CRYL1: variants seen among roughly 807,000 people sequenced by gnomAD.
CRYL1 encodes the protein lambda-crystallin homolog.
Under a neutral mutation model 36.6 loss-of-function variants are expected in CRYL1, and 29 were observed. That is an observed-to-expected ratio of 0.79 (90% confidence interval 0.59 to 1.08). CRYL1 has a LOEUF of 1.08. CRYL1 is among the 50% of genes least tolerant of loss of function. CRYL1 has a pLI of 0.00. For missense variants in CRYL1, 411 were observed against 407.9 expected, an observed-to-expected ratio of 1.01 and a Z score of -0.06; for synonymous variants, 152 against 151.5, an observed-to-expected ratio of 1.00 and a Z score of -0.02.
Position 20,489,218 on chromosome 13 carries a change from T to C in CRYL1, c.276+152A>G, listed in dbSNP as rs140503615. 2.7e-4 allele frequency: 228 copies of C among 852,956 alleles called. No individual in the cohort carries two copies. In the East Asian group the frequency reaches 5.1e-3, roughly 19 times the overall value. The allele number at this position is 852,956 out of a possible 1,614,324, so 52.8% of individuals were successfully genotyped here. On this transcript the variant is annotated intron_variant, in intron 3 of 7. Transcript: ENST00000298248. ...CCCAGGATAGAGGGTGTTTTGGGGA[T>C]CACATTTCCTATCACATAAAACAAA...
At chr13:20,437,922 C>T (rs1593444464) in intron 4 of CRYL1, among the ~76,000 whole-genome samples, 1 of 152,270 alleles carries the variant, frequency 6.6e-6, no homozygotes, top group East Asian at 1.9e-4. Flanking sequence ...CTGAAGCAAT[C>T]AAGGAGCAAC....
chr13:20,458,211 T>C (rs2032729103), intron 3 of CRYL1, among the ~76,000 whole-genome samples: 3 of 152,238 alleles, frequency 2.0e-5, no homozygotes, highest in African/African-American at 7.2e-5. Flanking sequence ...AGCACAATCA[T>C]AGACAATTCA....
chr13:20,449,699 G>C (rs558240333), intron 3 of CRYL1, among the ~76,000 whole-genome samples: 1 of 151,644 alleles, frequency 6.6e-6, no homozygotes, highest in East Asian at 1.9e-4. Flanking sequence ...AAACCCTGAA[G>C]ACTCCATCAA....
At chr13:20,503,609 A>C (rs947620043) in intron 2 of CRYL1, among the ~76,000 whole-genome samples, 3 of 152,222 alleles carry the variant, frequency 2.0e-5, no homozygotes, top group African/African-American at 7.2e-5. Context: ...GGCCGATGCA[A>C]GCCCGTGGCT....
intron 3 of CRYL1, among the ~76,000 whole-genome samples, chr13:20,441,154 T>G (rs1440867258): frequency 6.6e-6 from 1 of 152,004 alleles, no homozygotes; most frequent in Non-Finnish European, 1.5e-5. Context: ...GGGGAGGAGG[T>G]AGGGCCTCCC....
At chr13:20,519,914 CA>C (rs36082194) in intron 1 of CRYL1, among the ~76,000 whole-genome samples, 128,545 of 152,168 alleles carry the variant, frequency 0.84, 57,238 homozygotes, top group East Asian at 1. Context: ...TAATGTTTTA[CA>C]CATGATGATG....
chr13:20,442,113 G>A (rs941701157), intron 3 of CRYL1, among the ~76,000 whole-genome samples: 22 of 152,332 alleles, frequency 1.4e-4, no homozygotes, highest in South Asian at 1.0e-3. Context: ...GAAGAATGAT[G>A]CAGATCCTGT....
At chr13:20,473,994 C>T (rs886778706) in intron 3 of CRYL1, among the ~76,000 whole-genome samples, 9 of 152,092 alleles carry the variant, frequency 5.9e-5, no homozygotes, top group Non-Finnish European at 1.2e-4. Context: ...TGACAGGCAT[C>T]GGCTTCCATT....
intron 3 of CRYL1, among the ~76,000 whole-genome samples, chr13:20,454,419 GT>G (rs59272530): frequency 0.47 from 62,840 of 133,728 alleles, 13,387 homozygotes; most frequent in Middle Eastern, 0.6. Context: ...ATTCGTGTTT[GT>G]TTTTTTTTTT....
chr13:20,523,889 C>A (rs2034140245), intron 1 of CRYL1, among the ~76,000 whole-genome samples: 1 of 152,186 alleles, frequency 6.6e-6, no homozygotes, highest in Non-Finnish European at 1.5e-5. Flanking sequence ...CCACCCACAG[C>A]CAGATAACTG....
chr13:20,453,409 G>GAAATATTCTAATATATTTGAATATTTTT (rs2032613172), intron 3 of CRYL1, among the ~76,000 whole-genome samples: 2 of 131,916 alleles, frequency 1.5e-5, no homozygotes, highest in Non-Finnish European at 3.0e-5. Context: ...TGAATATTTT[G>GAAATATTCTAATATATTTGAATATTTTT]AAATATTCTA....
At chr13:20,438,849 G>A (rs1014195084) in intron 4 of CRYL1, among the ~76,000 whole-genome samples, 1 of 152,172 alleles carries the variant, frequency 6.6e-6, no homozygotes, top group Admixed American at 6.5e-5. Context: ...CACTGAGCTC[G>A]CAGTTGGGGC....
chr13:20,494,674 G>C lies in CRYL1; in HGVS notation c.150-5178C>G, dbSNP rs1170121056. 2.6e-5 allele frequency among the ~76,000 whole-genome samples: 4 copies of C among 152,190 alleles called. No homozygotes were observed. The East Asian group carries it at 7.7e-4, about 29-fold the overall frequency. On this transcript the variant is annotated intron_variant, in intron 2 of 7. Coordinates refer to ENST00000298248, the MANE Select transcript of CRYL1 (RefSeq NM_015974.3). ...AAACTTTTAGCCTTTTTTCCCAAAA[G>C]TACTGCATGAGATTAGACAGATAAT...
intron 3 of CRYL1, among the ~76,000 whole-genome samples, chr13:20,446,235 C>T (rs533662251): frequency 4.2e-4 from 64 of 152,298 alleles, no homozygotes; most frequent in Non-Finnish European, 7.6e-4. Flanking sequence ...CCTCAACCTC[C>T]CGAGTAGCTA....
At chr13:20,459,235 C>CAAAAAAA (rs61255031) in intron 3 of CRYL1, among the ~76,000 whole-genome samples, 2 of 78,424 alleles carry the variant, frequency 2.6e-5, no homozygotes, top group Non-Finnish European at 4.9e-5. Context: ...GACTCCATCT[C>CAAAAAAA]AAAAAAAAAA....
intron 3 of CRYL1, among the ~76,000 whole-genome samples, chr13:20,453,381 GAATATTTTGA>G (rs148816603): frequency 0.36 from 54,599 of 151,516 alleles, 10,704 homozygotes; most frequent in South Asian, 0.54. Context: ...TGGGAAATTA[GAATATTTTGA>G]AATATTTTGA....
At chr13:20,477,246 T>C (rs2137455270) in intron 3 of CRYL1, among the ~76,000 whole-genome samples, 1 of 152,280 alleles carries the variant, frequency 6.6e-6, no homozygotes, top group East Asian at 1.9e-4. Flanking sequence ...GAGGATCGCT[T>C]GAGCCCAGGA....
At chr13:20,437,246 T>C (rs1045497207) in intron 4 of CRYL1, among the ~76,000 whole-genome samples, 1 of 152,126 alleles carries the variant, frequency 6.6e-6, no homozygotes, top group Non-Finnish European at 1.5e-5. Context: ...ACTTGGGTTA[T>C]TTGATTTGCT....
intron 2 of CRYL1, among the ~76,000 whole-genome samples, chr13:20,490,684 C>G (rs1331645587): frequency 6.6e-6 from 1 of 151,752 alleles, no homozygotes; most frequent in African/African-American, 2.4e-5. Context: ...TGTTGGAAAA[C>G]AGTGGTTCTT....
Sources: allele counts gnomAD v4.1 joint callset (sites outside exome capture counted in the v4.1 genomes callset), GRCh38; gene constraint gnomAD v4.1.1; transcripts MANE v1.5; gene names NCBI Gene and HGNC (gene_info 2026-07-23, HGNC 2026-07-21).